The following GRID1 variants were observed in gnomAD, a reference collection of about 807,000 sequenced individuals.
GRID1 encodes the protein glutamate ionotropic receptor delta type subunit 1.
GRID1 carries 28 observed loss-of-function variants against 98.0 expected under a neutral mutation model. That is an observed-to-expected ratio of 0.29 (90% CI 0.21 to 0.39). The LOEUF (loss-of-function observed/expected upper bound fraction) is 0.39. GRID1 is among the 10% of genes least tolerant of loss of function. GRID1 has a pLI of 1.00. For missense variants in GRID1, 1,111 were observed against 1,340.5 expected (o/e 0.83, Z 2.67); for synonymous variants, 553 against 538.5 (o/e 1.03, Z -0.37).
chr10:86,003,235 C>A (rs1842821310), intron 4 of GRID1, among the ~76,000 whole-genome samples: 1 of 152,206 alleles, frequency 6.6e-6, no homozygotes, highest in African/African-American at 2.4e-5. Context: ...AGCCAGGAGG[C>A]AGCTGCCCTC....
intron 3 of GRID1, among the ~76,000 whole-genome samples, chr10:86,194,843 A>G (rs1845850673): frequency 6.6e-6 from 1 of 151,842 alleles, no homozygotes; most frequent in Non-Finnish European, 1.5e-5. Context: ...CAGCTCTGCT[A>G]CGGCTCTATG....
intron 2 of GRID1, among the ~76,000 whole-genome samples, chr10:86,333,079 C>G (rs1045756174): frequency 9.2e-5 from 14 of 152,158 alleles, no homozygotes; most frequent in Non-Finnish European, 1.6e-4. Context: ...ACCCACCTAC[C>G]ACTCAAACCT....
intron 4 of GRID1, among the ~76,000 whole-genome samples, chr10:86,015,665 C>T (rs1233797237): frequency 6.6e-6 from 1 of 152,180 alleles, no homozygotes; most frequent in East Asian, 1.9e-4. Flanking sequence ...GCTCTGGGGC[C>T]CAGACTCCCT....
At position 86,242,154 on chromosome 10, in the gene GRID1, G is replaced by A. The variant is rs182773415; in HGVS notation, c.236-35506C>T. Among the ~76,000 whole-genome samples the A allele has an allele frequency of 5.9e-3, 895 of 152,372 alleles. 6 individuals carry two copies. The highest frequency in any genetic ancestry group is 9.9e-3 in the Non-Finnish European group (676 of 68,038). The stretch of plus-strand genomic sequence containing the variant: ...AAACAATGAGCCCACCTGGCAGGGA[G>A]TATGTGGTTGCTAAATCATGAACTG... On this transcript the variant is annotated intron_variant, in intron 2 of 15. Transcript: ENST00000327946.
intron 4 of GRID1, among the ~76,000 whole-genome samples, chr10:86,010,692 C>G (rs1431521457): frequency 6.6e-6 from 1 of 151,788 alleles, no homozygotes; most frequent in Admixed American, 6.6e-5. Flanking sequence ...GTGGTGTGCA[C>G]CTGTAGTCCC....
intron 2 of GRID1, among the ~76,000 whole-genome samples, chr10:86,338,378 G>C (rs1848259184): frequency 1.3e-5 from 2 of 152,162 alleles, no homozygotes; most frequent in African/African-American, 4.8e-5. Flanking sequence ...GAAGGAGCCT[G>C]TACAAAATGA....
intron 8 of GRID1, among the ~76,000 whole-genome samples, chr10:85,769,345 C>A (rs1218448155): frequency 6.6e-6 from 1 of 152,160 alleles, no homozygotes; most frequent in Non-Finnish European, 1.5e-5. Flanking sequence ...GGAGCTGGAG[C>A]CAAGATGGCT....
chr10:86,046,262 G>A (rs188426527), intron 4 of GRID1, among the ~76,000 whole-genome samples: 6 of 152,258 alleles, frequency 3.9e-5, no homozygotes, highest in African/African-American at 7.2e-5. Context: ...TATGACTCCC[G>A]AACTGCTCTG....
chr10:86,213,105 C>A (rs1846129215), intron 2 of GRID1, among the ~76,000 whole-genome samples: 1 of 152,202 alleles, frequency 6.6e-6, no homozygotes, highest in South Asian at 2.1e-4. Context: ...CTGCAGCAAC[C>A]CCACCTCCTG....
intron 12 of GRID1, among the ~76,000 whole-genome samples, chr10:85,658,963 T>C (rs571911682): frequency 1.3e-5 from 2 of 152,308 alleles, no homozygotes; most frequent in South Asian, 2.1e-4. Context: ...ACTTAGAGGA[T>C]TGTTATAACT....
chr10:85,870,290 C>T (rs1044151304), intron 5 of GRID1, among the ~76,000 whole-genome samples: 1 of 152,220 alleles, frequency 6.6e-6, no homozygotes, highest in Admixed American at 6.5e-5. Flanking sequence ...CCAAGTTCTT[C>T]AGCTTTTGGA....
At chr10:86,321,235 C>T (rs1847966935) in intron 2 of GRID1, among the ~76,000 whole-genome samples, 1 of 151,646 alleles carries the variant, frequency 6.6e-6, no homozygotes, top group Admixed American at 6.6e-5. Context: ...TTTAATGACC[C>T]AGGAAATAAT....
intron 4 of GRID1, among the ~76,000 whole-genome samples, chr10:85,935,205 C>A (rs1841910427): frequency 6.6e-6 from 1 of 152,124 alleles, no homozygotes; most frequent in Non-Finnish European, 1.5e-5. Flanking sequence ...CTTATTCACC[C>A]AAGATCATAC....
rs538201960 is a variant in GRID1, at chr10:86,109,371, C to G, written c.726+29448G>C. Among the ~76,000 whole-genome samples, 14 of 152,346 alleles carry G rather than the reference C, an allele frequency of 9.2e-5. 1 individual carries two copies. In the South Asian group the frequency reaches 2.9e-3, roughly 32 times the overall value. ...GGTGAACAAGGCTTACAAAACTCAG[C>G]ACAGGTCTTGAGCCCCCAACACAAG... On this transcript the variant is annotated intron_variant, in intron 4 of 15. Coordinates refer to ENST00000327946, the MANE Select transcript of GRID1 (RefSeq NM_017551.3).
intron 12 of GRID1, among the ~76,000 whole-genome samples, chr10:85,662,197 A>G (rs963699158): frequency 1.3e-5 from 2 of 152,182 alleles, no homozygotes; most frequent in Admixed American, 1.3e-4. Context: ...TAAGACACAC[A>G]TCTCACTGCC....
intron 4 of GRID1, among the ~76,000 whole-genome samples, chr10:86,133,282 G>C (rs1377465287): frequency 6.6e-6 from 1 of 152,182 alleles, no homozygotes; most frequent in Non-Finnish European, 1.5e-5. Context: ...AGTGTATGTG[G>C]CTGCTGGTTG....
intron 4 of GRID1, among the ~76,000 whole-genome samples, chr10:86,081,151 G>T (rs1366994999): frequency 6.6e-6 from 1 of 152,110 alleles, no homozygotes; most frequent in Non-Finnish European, 1.5e-5. Context: ...TTATTATTTT[G>T]TGATGGTCTC....
intron 12 of GRID1, among the ~76,000 whole-genome samples, chr10:85,687,636 C>CA (rs111319426): frequency 1.3e-4 from 19 of 143,428 alleles, no homozygotes; most frequent in East Asian, 4.0e-4. Context: ...TCTCAAATAC[C>CA]AAAAAAAAAG....
intron 4 of GRID1, among the ~76,000 whole-genome samples, chr10:85,923,307 C>T (rs1321853748): frequency 6.6e-6 from 1 of 152,132 alleles, no homozygotes; most frequent in African/African-American, 2.4e-5. Flanking sequence ...GGAGACAAGG[C>T]AATCACTCCC....
Sources: allele counts gnomAD v4.1 joint callset (sites outside exome capture counted in the v4.1 genomes callset), GRCh38; gene constraint gnomAD v4.1.1; transcripts MANE v1.5; gene names NCBI Gene and HGNC (gene_info 2026-07-23, HGNC 2026-07-21).